The following TBC1D9 variants were observed in gnomAD, a reference collection of about 807,000 sequenced individuals.
TBC1D9 encodes TBC1 domain family member 9.
In TBC1D9, 63 loss-of-function variants were observed where a neutral mutation model predicts 132.0. That is an observed-to-expected ratio of 0.48 (90% CI 0.39 to 0.59). The LOEUF is 0.59. TBC1D9 is among the 20% of genes least tolerant of loss of function. The pLI is 0.00. For synonymous variants in TBC1D9, 610 were observed against 609.9 expected, an observed-to-expected ratio of 1.00 and a Z score of 0.00; for missense variants, 1,261 against 1,592.7, an observed-to-expected ratio of 0.79 and a Z score of 3.54.
At chr4:140,738,022 T>C (rs1359229306) in intron 1 of TBC1D9, among the ~76,000 whole-genome samples, 1 of 152,228 alleles carries the variant, frequency 6.6e-6, no homozygotes, top group African/African-American at 2.4e-5. Flanking sequence ...GTAATGATCC[T>C]ATGAAAACTT....
chr4:140,632,504 C>A (rs994716931), intron 16 of TBC1D9, among the ~76,000 whole-genome samples: 1 of 152,148 alleles, frequency 6.6e-6, no homozygotes, highest in Non-Finnish European at 1.5e-5. Context: ...AAAGGATAAG[C>A]TTTCAGGACA....
chr4:140,699,827 T>C (rs1001135687), intron 2 of TBC1D9, among the ~76,000 whole-genome samples: 1 of 152,236 alleles, frequency 6.6e-6, no homozygotes, highest in African/African-American at 2.4e-5. Context: ...CATAGTAAGA[T>C]GTTAATAATA....
chr4:140,645,173 C>T (rs887358218), intron 13 of TBC1D9: 1 of 550,562 alleles, frequency 1.8e-6, no homozygotes. Flanking sequence ...TCTCTCTGAG[C>T]AGCTTCTCCT....
chr4:140,659,911 TA>T (rs1200006923), intron 10 of TBC1D9, among the ~76,000 whole-genome samples: 1 of 152,192 alleles, frequency 6.6e-6, no homozygotes, highest in African/African-American at 2.4e-5. Context: ...TGTAAAAACA[TA>T]AAAACCTGAG....
chr4:140,700,529 A>T (rs1738050729), intron 2 of TBC1D9, among the ~76,000 whole-genome samples: 1 of 151,972 alleles, frequency 6.6e-6, no homozygotes, highest in South Asian at 2.1e-4. Context: ...GATTAAAAAA[A>T]ATTTTTTTTG....
chr4:140,684,240 TA>T (rs5862494), intron 3 of TBC1D9, among the ~76,000 whole-genome samples: 28,845 of 130,292 alleles, frequency 0.22, 3,194 homozygotes, highest in African/African-American at 0.35. Flanking sequence ...TGTCCCTAAT[TA>T]AAAAAAAAAA....
intron 9 of TBC1D9, among the ~76,000 whole-genome samples, chr4:140,664,973 G>T (rs28809916): frequency 0.063 from 9,524 of 152,074 alleles, 457 homozygotes; most frequent in African/African-American, 0.13. Context: ...CAGGCGTGGT[G>T]GTGCACACCT....
chr4:140,733,357 C>G (rs1738627521), intron 1 of TBC1D9, among the ~76,000 whole-genome samples: 1 of 152,018 alleles, frequency 6.6e-6, no homozygotes, highest in South Asian at 2.1e-4. Flanking sequence ...CTTTGTTCAG[C>G]TGATGTCAGG....
intron 13 of TBC1D9, chr4:140,645,445 C>A: frequency 4.7e-6 from 2 of 422,906 alleles, no homozygotes; most frequent in South Asian, 3.4e-5. Flanking sequence ...CTCTCTGGGT[C>A]GCGCTTCAGC....
chr4:140,642,907 C>T (rs745655450), intron 13 of TBC1D9: 84 of 590,936 alleles, frequency 1.4e-4, no homozygotes, highest in Non-Finnish European at 2.1e-4. Flanking sequence ...TGCCTGTCCT[C>T]GGAGTCCCGG....
intron 13 of TBC1D9, chr4:140,645,320 C>T (rs1403297612): frequency 4.0e-6 from 2 of 505,256 alleles, no homozygotes; most frequent in East Asian, 5.6e-5. Context: ...CAGCCCAGGC[C>T]CCAGCCAGCC....
At chr4:140,644,955 C>A in intron 13 of TBC1D9, 2 of 455,394 alleles carry the variant, frequency 4.4e-6, no homozygotes, top group Non-Finnish European at 4.4e-6. Flanking sequence ...AGATGGAGGT[C>A]CCAAGCCCCA....
chr4:140,639,332 C>A lies in TBC1D9; in HGVS notation c.2434G>T (p.Val812Leu). The A allele has an allele frequency of 1.2e-6, 2 of 1,608,908 alleles. No homozygotes were observed. The highest frequency in any genetic ancestry group is 1.7e-4 in the Middle Eastern group (1 of 6,056). The change falls in exon 14 of 21, where the codon GTG becomes TTG. Residue 812 changes from valine (V) to leucine (L), a missense_variant and splice_region_variant. Physicochemically the swap from Val to Leu is conservative, Grantham distance 32 (BLOSUM62 1). Around this residue, in one of 3 missense-constraint regions of TBC1D9, gnomAD observed 618 missense variants for 724.4 expected, o/e 0.85. Transcript: ENST00000442267. ...CTGCTACTTCTTAAAGGACTTACCA[C>A]GTTGCGTTTCGTAGTATCCTCCAGC... ...QTLEDTTKRN[V>L]VRTIVTETSF...
Position 140,678,937 on chromosome 4 carries a change from C to T in TBC1D9, c.851+5G>A. The T allele has an allele frequency of 6.2e-7, 1 of 1,613,008 alleles. No individual in the cohort carries two copies. Among genetic ancestry groups the T allele is most frequent in the Non-Finnish European group, 8.5e-7 (1 of 1,179,308 alleles). ...TCTGGAAGATACAAGGTCTCTATCA[C>T]CCACCGTTTTAGAGCAGACACTTTT... On this transcript the variant is annotated splice_donor_5th_base_variant and intron_variant, in intron 5 of 20. Transcript: ENST00000442267.
At chr4:140,641,924 CA>C in intron 13 of TBC1D9, 1 of 452,570 alleles carries the variant, frequency 2.2e-6, no homozygotes. Flanking sequence ...CGCTAGGAAA[CA>C]CAGAAAGTAT....
chr4:140,669,702 G>A lies in TBC1D9; in HGVS notation c.1369C>T (p.Pro457Ser), dbSNP rs1737504898. 1 of 1,613,856 alleles carries A rather than the reference G, an allele frequency of 6.2e-7. No homozygotes were observed. The highest frequency in any genetic ancestry group is 8.5e-7 in the Non-Finnish European group (1 of 1,179,894). ...RQFNLNGNSV[P>S]TATQTLMTMY... Reference sequence around the variant, plus strand: ...GTCATCAGGGTCTGTGTGGCTGTGGGGACGCTGTTGCCATTTAGGTTAAAC... The same window carrying A: ...GTCATCAGGGTCTGTGTGGCTGTGGAGACGCTGTTGCCATTTAGGTTAAAC... Residue 457 changes from proline to serine, a missense_variant, in exon 8 of 21, where the codon CCC becomes TCC. Coordinates refer to ENST00000442267, the MANE Select transcript of TBC1D9 (RefSeq NM_015130.3).
chr4:140,643,558 G>T, intron 13 of TBC1D9: 2 of 880,668 alleles, frequency 2.3e-6, no homozygotes, highest in East Asian at 2.7e-5. Flanking sequence ...GACATTTCTA[G>T]GCTGGGCTGG....
At chr4:140,709,242 TCTCTCTCACA>T (rs1479778335) in intron 1 of TBC1D9, among the ~76,000 whole-genome samples, 363 of 106,802 alleles carry the variant, frequency 3.4e-3, no homozygotes, top group African/African-American at 0.014. Flanking sequence ...TCTCTCTCTC[TCTCTCTCACA>T]CACACACACA....
At chr4:140,655,174 A>G (rs1737248781) in intron 13 of TBC1D9, among the ~76,000 whole-genome samples, 1 of 152,164 alleles carries the variant, frequency 6.6e-6, no homozygotes, top group South Asian at 2.1e-4. Context: ...CTTATAGGAT[A>G]CAGTTTATTT....
Sources: allele counts gnomAD v4.1 joint callset (sites outside exome capture counted in the v4.1 genomes callset), GRCh38; gene constraint gnomAD v4.1.1; regional missense constraint gnomAD v4.1.1; transcripts MANE v1.5; gene names NCBI Gene and HGNC (gene_info 2026-07-23, HGNC 2026-07-21).